Variants in RASGRP1 observed in about 807,000 individuals in gnomAD.
The protein encoded by RASGRP1 is RAS guanyl releasing protein 1.
RASGRP1 carries 37 observed loss-of-function variants against 95.1 expected under a neutral mutation model. That is an observed-to-expected ratio of 0.39 (90% CI 0.30 to 0.51). The LOEUF (loss-of-function observed/expected upper bound fraction) is 0.51, where lower values mean the gene tolerates loss of function less well. Ranked by LOEUF, RASGRP1 falls within the 20% of genes least tolerant of loss-of-function variation. The probability of loss-of-function intolerance (pLI) is 0.80; values close to 1 mark genes in which losing one functional copy is unlikely to be tolerated. For synonymous variants in RASGRP1, 325 were observed against 353.4 expected (o/e 0.92, Z 0.90); for missense variants, 711 against 965.4 (o/e 0.74, Z 3.49).
chr15:38,564,469 G>C, intron 1 of RASGRP1, 125 bp downstream of exon 1: 1 of 943,782 alleles, frequency 1.1e-6, no homozygotes, highest in Non-Finnish European at 1.4e-6. Context: ...GGTGTCCCGG[G>C]ACTCCGGCCG....
intron 16 of RASGRP1, among the ~76,000 whole-genome samples, chr15:38,491,617 A>G (rs1890586364): frequency 6.6e-6 from 1 of 152,178 alleles, no homozygotes. Context: ...TTATTAATAT[A>G]CGTTATATAT....
At chr15:38,526,085 C>T (rs1039913380) in intron 3 of RASGRP1, among the ~76,000 whole-genome samples, 3 of 152,088 alleles carry the variant, frequency 2.0e-5, no homozygotes, top group African/African-American at 7.2e-5. Context: ...TGACCACCCC[C>T]CAGAGCAATC....
intron 8 of RASGRP1, among the ~76,000 whole-genome samples, chr15:38,508,241 A>G (rs1891343987): frequency 6.6e-6 from 1 of 152,216 alleles, no homozygotes; most frequent in Admixed American, 6.5e-5. Flanking sequence ...TATAACTTAA[A>G]CATTATAAAT....
chr15:38,553,337 G>A (rs1893413074), intron 2 of RASGRP1, among the ~76,000 whole-genome samples: 1 of 152,208 alleles, frequency 6.6e-6, no homozygotes, highest in African/African-American at 2.4e-5. Flanking sequence ...GTCCAACACA[G>A]CTGTTTCTGT....
intron 3 of RASGRP1, among the ~76,000 whole-genome samples, 196 bp from the exon 4 acceptor site, chr15:38,519,567 C>T (rs917206445): frequency 1.3e-5 from 2 of 152,082 alleles, no homozygotes; most frequent in African/African-American, 4.8e-5. Flanking sequence ...CCTAGAAAGG[C>T]GATGATGGTA....
At chr15:38,554,165 C>A (rs1893452483) in intron 2 of RASGRP1, among the ~76,000 whole-genome samples, 1 of 152,160 alleles carries the variant, frequency 6.6e-6, no homozygotes, top group African/African-American at 2.4e-5. Context: ...AGAACGCGAA[C>A]CTCGGGGGAA....
chr15:38,543,105 A>C (rs2141170818), intron 2 of RASGRP1, among the ~76,000 whole-genome samples: 1 of 151,924 alleles, frequency 6.6e-6, no homozygotes, highest in East Asian at 1.9e-4. Context: ...AAATACTCTA[A>C]GTTTGCAAAA....
At chr15:38,493,141 A>G (rs1452527705) in intron 16 of RASGRP1, among the ~76,000 whole-genome samples, 1 of 149,552 alleles carries the variant, frequency 6.7e-6, no homozygotes, top group Admixed American at 6.6e-5. Flanking sequence ...TGGCCTCCCA[A>G]AGTGCTAGGA....
intron 2 of RASGRP1, among the ~76,000 whole-genome samples, chr15:38,528,823 C>T (rs530483998): frequency 2.3e-4 from 35 of 152,282 alleles, no homozygotes; most frequent in African/African-American, 5.1e-4. Flanking sequence ...CTTCAGCCTT[C>T]GCTACCCAAT....
rs910420355 is a variant in RASGRP1, at chr15:38,489,024, C to T, written c.*1530G>A. 1 of 151,980 alleles carries T rather than the reference C, an allele frequency of 6.6e-6. No individual in the cohort carries two copies. Among genetic ancestry groups the T allele is most frequent in the African/African-American group, 2.4e-5 (1 of 41,424 alleles). The allele number at this position is 151,980 out of a possible 1,614,324, so 9.4% of individuals were successfully genotyped here. A position where few individuals can be genotyped will look rare whatever the true frequency, so the allele number is the denominator to read the frequency against. On this transcript the variant is annotated 3_prime_UTR_variant, in exon 17 of 17. Transcript: ENST00000310803. The stretch of plus-strand genomic sequence containing the variant: ...GGAACTCAAATGGGAACTGATCTTT[C>T]ATCAAAGAGAATTCCTAAATGATCT...
intron 2 of RASGRP1, 138 bp from the exon 3 acceptor site, chr15:38,526,542 C>A (rs975678901): frequency 1.6e-6 from 1 of 610,612 alleles, no homozygotes; most frequent in African/African-American, 1.8e-5. Context: ...AGCACAGCCC[C>A]CCTCTGTTTT....
chr15:38,539,516 G>T (rs915029543), intron 2 of RASGRP1, among the ~76,000 whole-genome samples: 4 of 150,942 alleles, frequency 2.7e-5, no homozygotes, highest in Non-Finnish European at 5.9e-5. Context: ...ATGTTTTAAA[G>T]TTATTAATAT....
chr15:38,512,529 G>T (rs1188759536), intron 7 of RASGRP1, among the ~76,000 whole-genome samples: 1 of 152,140 alleles, frequency 6.6e-6, no homozygotes, highest in Non-Finnish European at 1.5e-5. Flanking sequence ...AATGTTAAAG[G>T]TCTAAACAGA....
intron 8 of RASGRP1, among the ~76,000 whole-genome samples, chr15:38,509,849 C>T (rs894909639): frequency 3.3e-5 from 5 of 152,296 alleles, no homozygotes; most frequent in South Asian, 2.1e-4. Flanking sequence ...AGGGGGACTA[C>T]TGTAACCCTT....
At chr15:38,540,423 G>A (rs965697582) in intron 2 of RASGRP1, among the ~76,000 whole-genome samples, 1 of 152,154 alleles carries the variant, frequency 6.6e-6, no homozygotes, top group Non-Finnish European at 1.5e-5. Context: ...CAGTAACTGG[G>A]CACTGAATAT....
At chr15:38,552,449 T>C (rs1226301360) in intron 2 of RASGRP1, among the ~76,000 whole-genome samples, 1 of 152,096 alleles carries the variant, frequency 6.6e-6, no homozygotes, top group Non-Finnish European at 1.5e-5. Flanking sequence ...AGGGGAGGGA[T>C]TGAAAAGGAA....
intron 2 of RASGRP1, among the ~76,000 whole-genome samples, chr15:38,533,392 A>G (rs933965557): frequency 1.3e-5 from 2 of 152,214 alleles, no homozygotes; most frequent in Admixed American, 6.5e-5. Flanking sequence ...ATAAATAACT[A>G]TGTGATAAAT....
intron 11 of RASGRP1, 87 bp downstream of exon 11, chr15:38,503,185 C>T (rs1891107646): frequency 1.9e-6 from 2 of 1,067,768 alleles, no homozygotes; most frequent in Non-Finnish European, 1.4e-6. Context: ...ACATTTCCAC[C>T]ATTGTGCTTT....
intron 10 of RASGRP1, chr15:38,504,314 A>AT (rs1455512047): frequency 6.6e-6 from 1 of 152,130 alleles, no homozygotes; most frequent in Non-Finnish European, 1.5e-5. Flanking sequence ...AAAGCTTTTA[A>AT]TTTTTTTAAC....
Sources: allele counts gnomAD v4.1 joint callset (sites outside exome capture counted in the v4.1 genomes callset), GRCh38; gene constraint gnomAD v4.1.1; transcripts MANE v1.5; gene names NCBI Gene and HGNC (gene_info 2026-07-23, HGNC 2026-07-21).